Variants in PSMD1 observed in about 807,000 individuals in gnomAD.
PSMD1 encodes proteasome 26S subunit, non-ATPase 1.
PSMD1 carries 18 observed loss-of-function variants against 119.0 expected under a neutral mutation model. The ratio of observed to expected loss-of-function variants is 0.15; its 90% CI spans 0.10 to 0.22. PSMD1 has a LOEUF of 0.22. Ranked by LOEUF, PSMD1 falls within the 10% of genes least tolerant of loss-of-function variation. The pLI, the probability that PSMD1 is intolerant of heterozygous loss-of-function variation, is 1.00. For synonymous variants in PSMD1, 374 were observed against 396.6 expected, an observed-to-expected ratio of 0.94 and a Z score of 0.68; for missense variants, 702 against 1,158.5, an observed-to-expected ratio of 0.61 and a Z score of 5.72.
chr2:231,076,575 G>C (rs1292677189), intron 8 of PSMD1, among the ~76,000 whole-genome samples: 1 of 152,126 alleles, frequency 6.6e-6, no homozygotes, highest in Non-Finnish European at 1.5e-5. Flanking sequence ...AATTGCTTGA[G>C]CTTGGGAAGT....
At position 231,146,356 on chromosome 2, in the gene PSMD1, G is replaced by A. The variant is rs752630521; in HGVS notation, c.2115G>A (p.Lys705=). 3.1e-6 allele frequency: 5 copies of A among 1,605,374 alleles called. No individual in the cohort carries two copies. Among genetic ancestry groups the A allele is most frequent in the South Asian group, 1.1e-5 (1 of 90,588 alleles). Residue 705 remains lysine (K), a splice_region_variant and synonymous_variant, in exon 18 of 25, where the codon AAG becomes AAA. Transcript: ENST00000308696. The part of the protein sequence containing the change: ...MIQQTEITCP[K]VNQFRQLYSK... The stretch of plus-strand genomic sequence containing the variant: ...AGCAGACTGAAATCACTTGTCCAAA[G>A]GTGAGCAAACAAAGAAATTCCCTGG...
chr2:231,060,622 G>A (rs966846259), intron 1 of PSMD1, among the ~76,000 whole-genome samples: 2 of 152,186 alleles, frequency 1.3e-5, no homozygotes, highest in African/African-American at 4.8e-5. Context: ...GAAGCCATAT[G>A]GAGAACACTG....
rs1696883041 is a variant in PSMD1, at chr2:231,170,203, G to A, written c.2716-363G>A. ...AGCTCCAGATGATAATGATGCTTCT[G>A]GCCCAGGACCATATCTTGAGTAGGA... On this transcript the variant is annotated intron_variant, in intron 23 of 24. Coordinates refer to ENST00000308696, the MANE Select transcript of PSMD1 (RefSeq NM_002807.4). The surrounding 1 kb of genome is among the most constrained non-coding windows in gnomAD (Gnocchi z 4.1). Among the ~76,000 whole-genome samples, 2 of 152,154 alleles carry A rather than the reference G, an allele frequency of 1.3e-5. No individual in the cohort carries two copies. Among genetic ancestry groups the A allele is most frequent in the Admixed American group, 1.3e-4 (2 of 15,280 alleles).
intron 16 of PSMD1, among the ~76,000 whole-genome samples, chr2:231,110,520 GA>G (rs1393205116): frequency 2.0e-5 from 3 of 152,104 alleles, no homozygotes; most frequent in African/African-American, 7.2e-5. Flanking sequence ...TTGATCTTTA[GA>G]AACCTCTGGA....
At chr2:231,125,873 G>A (rs1695707241) in intron 16 of PSMD1, among the ~76,000 whole-genome samples, 1 of 152,086 alleles carries the variant, frequency 6.6e-6, no homozygotes, top group Non-Finnish European at 1.5e-5. Flanking sequence ...GATGACATTT[G>A]TGCCCTTTTC....
chr2:231,165,564 T>C (rs889563486), intron 22 of PSMD1, among the ~76,000 whole-genome samples: 2 of 152,166 alleles, frequency 1.3e-5, no homozygotes, highest in African/African-American at 4.8e-5. Context: ...ACAGACAAGA[T>C]GATGAGGTAG....
intron 5 of PSMD1, among the ~76,000 whole-genome samples, chr2:231,069,753 TTATTA>T (rs66479026): frequency 1.1e-4 from 17 of 152,360 alleles, no homozygotes; most frequent in Non-Finnish European, 2.2e-4. Flanking sequence ...CAGCATCACT[TTATTA>T]TAGTATACTA....
At chr2:231,138,075 C>T (rs954463615) in intron 16 of PSMD1, among the ~76,000 whole-genome samples, 1 of 152,184 alleles carries the variant, frequency 6.6e-6, no homozygotes, top group Non-Finnish European at 1.5e-5. Context: ...TCCTGCTGCT[C>T]TTCAAGGATA....
At chr2:231,089,834 G>T (rs550124534) in intron 16 of PSMD1, among the ~76,000 whole-genome samples, 52 of 152,216 alleles carry the variant, frequency 3.4e-4, no homozygotes, top group African/African-American at 1.2e-3. Context: ...TTCCCTGAGA[G>T]CTGATTAGAT....
At chr2:231,138,968 T>G in intron 17 of PSMD1, 118 bp downstream of exon 17, 2 of 809,284 alleles carry the variant, frequency 2.5e-6, no homozygotes, top group Non-Finnish European at 4.3e-6. Flanking sequence ...AAGAGTAAAC[T>G]TGCCATACAA....
At chr2:231,084,747 T>A (rs950893510) in intron 14 of PSMD1, among the ~76,000 whole-genome samples, 1 of 152,200 alleles carries the variant, frequency 6.6e-6, no homozygotes, top group Admixed American at 6.5e-5. Context: ...GAGTGGCTGT[T>A]GCTGTTGACT....
chr2:231,109,905 C>CT (rs1233851653), intron 16 of PSMD1, among the ~76,000 whole-genome samples: 2 of 152,168 alleles, frequency 1.3e-5, no homozygotes, highest in African/African-American at 4.8e-5. Flanking sequence ...GTGTGAATGT[C>CT]TTTTAATCCT....
chr2:231,081,144 T>TCAAAA (rs1267811049), intron 12 of PSMD1, among the ~76,000 whole-genome samples: 1 of 74,040 alleles, frequency 1.4e-5, no homozygotes, highest in South Asian at 4.7e-4. Context: ...AAACTCTGTC[T>TCAAAA]AAAAAAAAAA....
chr2:231,072,306 C>G lies in PSMD1; in HGVS notation c.772C>G (p.Gln258Glu). 1 of 1,613,914 alleles carries G rather than the reference C, an allele frequency of 6.2e-7. No homozygotes were observed. The highest frequency in any genetic ancestry group is 8.5e-7 in the Non-Finnish European group (1 of 1,179,846). ...TTTTGATTTGTATGAAAGTGCTAGC[C>G]AGCAGTTTTTGTCATCTGTAATCCA... ...ICFDLYESAS[Q>E]QFLSSVIQNL... Residue 258 changes from glutamine to glutamate, a missense_variant, in exon 7 of 25, where the codon CAG (glutamine) becomes GAG (glutamate). By Grantham distance (29) the Gln-to-Glu change is conservative (BLOSUM62 2). Transcript: ENST00000308696.
intron 16 of PSMD1, chr2:231,113,581 C>T (rs865954739): frequency 7.9e-6 from 6 of 761,540 alleles, no homozygotes; most frequent in Middle Eastern, 7.4e-4. Context: ...ATGATAAATG[C>T]AGTGACATAA....
Position 231,078,742 on chromosome 2 carries a change from T to C in PSMD1, c.1155T>C (p.Phe385=). 1 of 1,594,148 alleles carries C rather than the reference T, an allele frequency of 6.3e-7. No homozygotes were observed. Among genetic ancestry groups the C allele is most frequent in the Non-Finnish European group, 8.5e-7 (1 of 1,171,596 alleles). The part of the protein sequence containing the change: ...FMHCGTTSDQ[F]LRDNLEWLAR... ...ACTGTGGGACAACCAGTGACCAGTTTCTTAGGTAAATATGCTTGTTGATTT... is the reference window on the plus strand; with the variant it reads ...ACTGTGGGACAACCAGTGACCAGTTCCTTAGGTAAATATGCTTGTTGATTT... Residue 385 remains phenylalanine (F), a synonymous_variant, in exon 10 of 25, where the codon TTT becomes TTC. Coordinates refer to ENST00000308696, the MANE Select transcript of PSMD1 (RefSeq NM_002807.4).
intron 16 of PSMD1, 148 bp from the exon 17 acceptor site, chr2:231,138,588 T>C: frequency 1.7e-6 from 1 of 604,912 alleles, no homozygotes; most frequent in Non-Finnish European, 2.9e-6. Flanking sequence ...TAATTAGAAC[T>C]CTATGAAAGA....
chr2:231,152,267 T>C (rs1466744060), intron 18 of PSMD1, among the ~76,000 whole-genome samples: 1 of 152,204 alleles, frequency 6.6e-6, no homozygotes, highest in Non-Finnish European at 1.5e-5. Context: ...TATATTCTGT[T>C]GCTGCCTGTG....
intron 16 of PSMD1, among the ~76,000 whole-genome samples, chr2:231,102,803 G>A (rs1053555866): frequency 6.6e-6 from 1 of 152,080 alleles, no homozygotes; most frequent in African/African-American, 2.4e-5. Context: ...GGCCCACACA[G>A]TTCAAGCCCA....
Sources: gnomAD v4.1 joint callset for allele counts (sites outside exome capture counted in the v4.1 genomes callset) on GRCh38, gnomAD v4.1.1 for gene constraint, Gnocchi (gnomAD v3.1) non-coding constraint, MANE v1.5 for transcripts, NCBI Gene and HGNC (gene_info 2026-07-23, HGNC 2026-07-21) for gene names.